Variants in RALYL observed in about 807,000 individuals in gnomAD.
RALYL encodes the protein RALY RNA binding protein like, also known as RNA-binding Raly-like protein.
A neutral mutation model predicts 35.1 loss-of-function variants in RALYL; 29 were observed. That is an observed-to-expected ratio of 0.83 (90% confidence interval 0.61 to 1.13). The LOEUF (loss-of-function observed/expected upper bound fraction) is 1.13. RALYL is among the 50% of genes most tolerant of loss of function. RALYL has a pLI of 0.00. For missense variants in RALYL, 359 were observed against 360.4 expected, an observed-to-expected ratio of 1.00 and a Z score of 0.03; for synonymous variants, 120 against 127.6, an observed-to-expected ratio of 0.94 and a Z score of 0.40.
chr8:84,444,998 G>T (rs1369816529), intron 1 of RALYL, among the ~76,000 whole-genome samples: 1 of 151,998 alleles, frequency 6.6e-6, no homozygotes, highest in Non-Finnish European at 1.5e-5. Context: ...TTACAAAAGG[G>T]ACTTAAAAGT....
At chr8:84,301,848 T>C (rs1477454079) in intron 1 of RALYL, among the ~76,000 whole-genome samples, 1 of 152,126 alleles carries the variant, frequency 6.6e-6, no homozygotes, top group Non-Finnish European at 1.5e-5. Flanking sequence ...AATTAAGTAC[T>C]TATCTTTTTC....
intron 2 of RALYL, among the ~76,000 whole-genome samples, chr8:84,573,488 T>C (rs915406576): frequency 6.6e-6 from 1 of 151,916 alleles, no homozygotes; most frequent in African/African-American, 2.4e-5. Context: ...TTTCTTTTTT[T>C]CACTGGTATT....
intron 4 of RALYL, among the ~76,000 whole-genome samples, chr8:84,821,188 T>C (rs1303149694): frequency 1.3e-5 from 2 of 152,230 alleles, no homozygotes; most frequent in East Asian, 3.9e-4. Context: ...TAAACAGCAT[T>C]TATTTCAGAC....
intron 3 of RALYL, among the ~76,000 whole-genome samples, chr8:84,789,235 CACCA>C (rs1210718280): frequency 2.0e-5 from 3 of 152,186 alleles, no homozygotes; most frequent in African/African-American, 7.2e-5. Context: ...GAATGTGATA[CACCA>C]ACCAATAGCT....
intron 1 of RALYL, among the ~76,000 whole-genome samples, chr8:84,189,075 T>G (rs1300229889): frequency 6.6e-6 from 1 of 152,154 alleles, no homozygotes; most frequent in Non-Finnish European, 1.5e-5. Flanking sequence ...TTTTCTGGGC[T>G]GTCCTTGCAG....
intron 8 of RALYL, among the ~76,000 whole-genome samples, chr8:84,905,679 C>T (rs981949807): frequency 2.0e-5 from 3 of 150,938 alleles, no homozygotes; most frequent in Non-Finnish European, 2.9e-5. Context: ...AATTTTCTGG[C>T]ACTACCATTA....
Position 84,740,273 on chromosome 8 carries a change from C to T in RALYL, c.257-34306C>T, listed in dbSNP as rs1848042202. 2.0e-5 allele frequency among the ~76,000 whole-genome samples: 3 copies of T among 151,774 alleles called. No individual in the cohort carries two copies. In the South Asian group the frequency reaches 6.2e-4, roughly 32 times the overall value. ...TGGGAGATGATTTCAAAACTTGGAG[C>T]AAGTCAGTTACTCTCTGCAGGATCA... On this transcript the variant is annotated intron_variant, in intron 2 of 8. Transcript: ENST00000521268.
chr8:84,796,955 A>AC (rs1822073640), intron 3 of RALYL, among the ~76,000 whole-genome samples: 1 of 151,836 alleles, frequency 6.6e-6, no homozygotes, highest in Non-Finnish European at 1.5e-5. Flanking sequence ...TAGACTTTGG[A>AC]GTTAGACCTG....
At chr8:84,894,792 C>A (rs1266932044) in intron 8 of RALYL, among the ~76,000 whole-genome samples, 6 of 152,198 alleles carry the variant, frequency 3.9e-5, no homozygotes, top group African/African-American at 1.4e-4. Context: ...CTTGCCATCT[C>A]ACTTGATTTC....
chr8:84,409,637 A>G (rs1454176181), intron 1 of RALYL, among the ~76,000 whole-genome samples: 3 of 151,996 alleles, frequency 2.0e-5, no homozygotes. Context: ...ACATTTTTTA[A>G]TGAAGAATGA....
intron 2 of RALYL, among the ~76,000 whole-genome samples, chr8:84,683,104 G>C (rs567441872): frequency 6.6e-6 from 1 of 152,292 alleles, no homozygotes; most frequent in African/African-American, 2.4e-5. Flanking sequence ...TATGTACCCA[G>C]TAGTCATTCA....
intron 2 of RALYL, among the ~76,000 whole-genome samples, chr8:84,752,236 C>G (rs568253023): frequency 2.0e-5 from 3 of 152,288 alleles, no homozygotes; most frequent in African/African-American, 7.2e-5. Flanking sequence ...ATCTGCGGAA[C>G]TTTGAACTTG....
intron 1 of RALYL, among the ~76,000 whole-genome samples, chr8:84,191,965 A>G (rs1389595996): frequency 6.6e-6 from 1 of 152,200 alleles, no homozygotes; most frequent in Non-Finnish European, 1.5e-5. Flanking sequence ...TGATAAAATA[A>G]TCAATTAAAA....
intron 1 of RALYL, among the ~76,000 whole-genome samples, chr8:84,417,883 G>C (rs1163041670): frequency 1.3e-5 from 2 of 151,976 alleles, no homozygotes; most frequent in African/African-American, 2.4e-5. Flanking sequence ...TAGTCTCAAG[G>C]CTTCAGCTTT....
chr8:84,295,848 G>T (rs1439406864), intron 1 of RALYL, among the ~76,000 whole-genome samples: 1 of 152,024 alleles, frequency 6.6e-6, no homozygotes, highest in Non-Finnish European at 1.5e-5. Context: ...TCTTCCTAAA[G>T]GTGTTCTCTA....
intron 1 of RALYL, among the ~76,000 whole-genome samples, chr8:84,252,807 C>A (rs1320987579): frequency 6.6e-6 from 1 of 152,104 alleles, no homozygotes; most frequent in Non-Finnish European, 1.5e-5. Flanking sequence ...TAATTGATAA[C>A]CCCTTCAGTT....
At chr8:84,607,517 C>G (rs1318691378) in intron 2 of RALYL, among the ~76,000 whole-genome samples, 3 of 152,100 alleles carry the variant, frequency 2.0e-5, no homozygotes, top group Non-Finnish European at 4.4e-5. Flanking sequence ...AGATATCTGA[C>G]AGTTTTCTCC....
chr8:84,402,025 T>C (rs1244000696), intron 1 of RALYL, among the ~76,000 whole-genome samples: 7 of 152,178 alleles, frequency 4.6e-5, no homozygotes, highest in Admixed American at 1.3e-4. Context: ...TTGATGGCCC[T>C]TGTATAATCT....
intron 2 of RALYL, among the ~76,000 whole-genome samples, chr8:84,616,859 C>T (rs1819839481): frequency 6.6e-6 from 1 of 151,630 alleles, no homozygotes; most frequent in Admixed American, 6.6e-5. Flanking sequence ...ATCCTTTCCC[C>T]ATTGCTTGTT....
Sources: gnomAD v4.1 joint callset for allele counts (sites outside exome capture counted in the v4.1 genomes callset) on GRCh38, gnomAD v4.1.1 for gene constraint, MANE v1.5 for transcripts, NCBI Gene and HGNC (gene_info 2026-07-23, HGNC 2026-07-21) for gene names.